Variants in EIF2AK4 observed in about 807,000 individuals in gnomAD.
EIF2AK4 encodes eIF-2-alpha kinase GCN2.
Under a neutral mutation model 211.1 loss-of-function variants are expected in EIF2AK4, and 139 were observed. The observed-to-expected ratio is 0.66, with a 90% CI of 0.57 to 0.76. The LOEUF (loss-of-function observed/expected upper bound fraction) is 0.76, where lower values mean the gene tolerates loss of function less well. EIF2AK4 is among the 30% of genes least tolerant of loss of function. The probability of loss-of-function intolerance (pLI) is 0.00; values close to 1 mark genes in which losing one functional copy is unlikely to be tolerated. For synonymous variants in EIF2AK4, 710 were observed against 751.3 expected (o/e 0.94, Z 0.90); for missense variants, 1,664 against 2,043.8 (o/e 0.81, Z 3.58).
At chr15:39,992,521 C>G in intron 17 of EIF2AK4, 1 of 572,642 alleles carries the variant, frequency 1.7e-6, no homozygotes, top group Non-Finnish European at 3.1e-6. Context: ...ATGACCTGAT[C>G]CATCTGGGGT....
chr15:39,985,339 T>C (rs2034849797), intron 13 of EIF2AK4, among the ~76,000 whole-genome samples: 1 of 152,200 alleles, frequency 6.6e-6, no homozygotes, highest in Non-Finnish European at 1.5e-5. Flanking sequence ...TCTGACAGGT[T>C]TTGGTATCAG....
At chr15:39,946,541 A>G (rs1466388514) in intron 3 of EIF2AK4, 1 of 702,306 alleles carries the variant, frequency 1.4e-6, no homozygotes, top group Non-Finnish European at 2.6e-6. Flanking sequence ...CATTGTTGAA[A>G]TGACAATCGA....
At chr15:40,032,124 T>C (rs2035552174) in intron 35 of EIF2AK4, 45 bp from the exon 36 acceptor site, 1 of 1,456,630 alleles carries the variant, frequency 6.9e-7, no homozygotes, top group East Asian at 2.3e-5. Context: ...GCAAGAAAGA[T>C]GGCTTGGTTT....
At chr15:39,993,879 G>A (rs1474682265) in intron 18 of EIF2AK4, among the ~76,000 whole-genome samples, 1 of 152,200 alleles carries the variant, frequency 6.6e-6, no homozygotes, top group African/African-American at 2.4e-5. Context: ...GGAGAGAAGT[G>A]TGCTGAATTA....
chr15:39,970,668 G>T (rs778406412), intron 9 of EIF2AK4, among the ~76,000 whole-genome samples: 2 of 152,154 alleles, frequency 1.3e-5, no homozygotes, highest in African/African-American at 2.4e-5. Flanking sequence ...TTGGATGGTT[G>T]TATGTTTATG....
intron 13 of EIF2AK4, among the ~76,000 whole-genome samples, chr15:39,978,744 T>C (rs1409121901): frequency 6.6e-6 from 1 of 152,220 alleles, no homozygotes; most frequent in African/African-American, 2.4e-5. Context: ...TCTCATAATT[T>C]TTTTTTGAGA....
chr15:40,029,608 C>T (rs756719993), intron 34 of EIF2AK4, 144 bp downstream of exon 34: 40 of 781,614 alleles, frequency 5.1e-5, no homozygotes, highest in Non-Finnish European at 7.2e-5. Flanking sequence ...TGGGATGCAT[C>T]CCTATGCTTT....
At chr15:40,032,011 C>T (rs2035550689) in intron 35 of EIF2AK4, among the ~76,000 whole-genome samples, 158 bp from the exon 36 acceptor site, 1 of 152,246 alleles carries the variant, frequency 6.6e-6, no homozygotes, top group Admixed American at 6.5e-5. Context: ...CGGGCATGAG[C>T]CATCGTACCC....
intron 18 of EIF2AK4, among the ~76,000 whole-genome samples, chr15:39,995,127 C>A (rs961465832): frequency 2.0e-5 from 3 of 152,154 alleles, no homozygotes; most frequent in Admixed American, 1.3e-4. Flanking sequence ...CAGGCATGAG[C>A]CACTGCACCT....
At chr15:39,980,278 A>C (rs1181509303) in intron 13 of EIF2AK4, among the ~76,000 whole-genome samples, 1 of 152,202 alleles carries the variant, frequency 6.6e-6, no homozygotes, top group African/African-American at 2.4e-5. Context: ...TTGAAGACTA[A>C]TGGTAAAGAA....
At chr15:39,947,880 A>G (rs2034251062) in intron 3 of EIF2AK4, among the ~76,000 whole-genome samples, 1 of 151,942 alleles carries the variant, frequency 6.6e-6, no homozygotes, top group African/African-American at 2.4e-5. Context: ...TGTACAGAAA[A>G]CTCTAGTAAA....
chr15:39,997,011 T>C lies in EIF2AK4; in HGVS notation c.2814T>C (p.Tyr938=), dbSNP rs747589470. 3.7e-6 allele frequency: 6 copies of C among 1,614,106 alleles called. No individual in the cohort carries two copies. The highest frequency in any genetic ancestry group is 1.1e-5 in the South Asian group (1 of 91,078). ...GAATTATCTTCTTTGAGATGTCCTA[T>C]CACCCCATGGTCACGGCTTCAGAAA... is the stretch of plus-strand genomic sequence containing the variant. ...SLGIIFFEMS[Y]HPMVTASERI... The change falls in exon 19 of 39, where the codon TAT becomes TAC. Residue 938 remains tyrosine (Y), a synonymous_variant. Coordinates refer to ENST00000263791, the MANE Select transcript of EIF2AK4 (RefSeq NM_001013703.4).
At chr15:40,014,077 C>A (rs2035273487) in intron 27 of EIF2AK4, among the ~76,000 whole-genome samples, 1 of 152,238 alleles carries the variant, frequency 6.6e-6, no homozygotes, top group African/African-American at 2.4e-5. Context: ...AGTCTAGAAT[C>A]CAGCAGGGCA....
intron 21 of EIF2AK4, 83 bp from the exon 22 acceptor site, chr15:40,002,630 C>A: frequency 7.1e-7 from 1 of 1,412,820 alleles, no homozygotes; most frequent in Non-Finnish European, 1.0e-6. Flanking sequence ...CAGTGTAGTG[C>A]CTACTGCAAG....
At chr15:40,024,604 T>C (rs1488893489) in intron 32 of EIF2AK4, among the ~76,000 whole-genome samples, 1 of 151,478 alleles carries the variant, frequency 6.6e-6, no homozygotes, top group Non-Finnish European at 1.5e-5. Context: ...TTCACCATGT[T>C]GGTCAGGCTG....
intron 15 of EIF2AK4, 84 bp from the exon 16 acceptor site, chr15:39,990,189 G>A (rs1036470939): frequency 2.5e-5 from 33 of 1,331,410 alleles, no homozygotes; most frequent in Admixed American, 3.6e-5. Flanking sequence ...GATTTTCATC[G>A]CTAGGTTGGC....
At chr15:39,970,690 A>G (rs1357431222) in intron 9 of EIF2AK4, among the ~76,000 whole-genome samples, 2 of 152,220 alleles carry the variant, frequency 1.3e-5, no homozygotes, top group East Asian at 1.9e-4. Context: ...GTATAAATGC[A>G]TAGAAAAATC....
intron 11 of EIF2AK4, 91 bp downstream of exon 11, chr15:39,973,840 G>T: frequency 6.8e-7 from 1 of 1,469,666 alleles, no homozygotes; most frequent in African/African-American, 1.4e-5. Flanking sequence ...TATTTTGGGA[G>T]TGGGGAGGGA....
intron 35 of EIF2AK4, among the ~76,000 whole-genome samples, chr15:40,031,223 G>A (rs2035538705): frequency 1.3e-5 from 2 of 152,182 alleles, no homozygotes; most frequent in African/African-American, 2.4e-5. Flanking sequence ...CTGGGCAACA[G>A]AGCAAGACTT....
Sources: allele counts gnomAD v4.1 joint callset (sites outside exome capture counted in the v4.1 genomes callset), GRCh38; gene constraint gnomAD v4.1.1; transcripts MANE v1.5; gene names NCBI Gene and HGNC (gene_info 2026-07-23, HGNC 2026-07-21).